Variants in LDLRAD3 observed in about 807,000 individuals in gnomAD.
LDLRAD3 encodes low-density lipoprotein receptor class A domain-containing protein 3.
LDLRAD3 carries 20 observed loss-of-function variants against 29.4 expected under a neutral mutation model. The observed-to-expected ratio is 0.68, with a 90% CI of 0.48 to 0.99. The LOEUF (loss-of-function observed/expected upper bound fraction) is 0.99, where lower values mean the gene tolerates loss of function less well. Ranked by LOEUF, LDLRAD3 falls within the 50% of genes least tolerant of loss-of-function variation. The pLI is 0.00. For synonymous variants in LDLRAD3, 157 were observed against 192.7 expected, an observed-to-expected ratio of 0.81 and a Z score of 1.53; for missense variants, 420 against 454.3, an observed-to-expected ratio of 0.92 and a Z score of 0.69.
chr11:36,031,071 A>G (rs534624731), intron 1 of LDLRAD3, among the ~76,000 whole-genome samples: 2 of 149,960 alleles, frequency 1.3e-5, no homozygotes, highest in African/African-American at 4.9e-5. Flanking sequence ...ATAGAATGGG[A>G]CTTGTAATTT....
chr11:36,219,271 G>A (rs1855395831), intron 4 of LDLRAD3, among the ~76,000 whole-genome samples: 2 of 151,960 alleles, frequency 1.3e-5, no homozygotes, highest in Admixed American at 1.3e-4. Flanking sequence ...GGAGAGGAGG[G>A]GACATTTTGT....
In LDLRAD3 at chr11:36,213,985, G is replaced by T. The variant is rs1855318528; in HGVS notation, c.455-13100G>T. On this transcript the variant is annotated intron_variant, in intron 4 of 5. Transcript: ENST00000315571. The surrounding 1 kb of genome is among the most constrained non-coding windows in gnomAD (Gnocchi z 4.1). ...GCTCAAATTTAAAACAGTCTTCAGT[G>T]TTCATCTAAACTTTGTGGCAGGTAC... is the stretch of plus-strand genomic sequence containing the variant. Among the ~76,000 whole-genome samples the T allele has an allele frequency of 6.6e-6, 1 of 152,186 alleles. No homozygotes were observed. The highest frequency in any genetic ancestry group is 6.5e-5 in the Admixed American group (1 of 15,288).
intron 3 of LDLRAD3, among the ~76,000 whole-genome samples, chr11:36,095,301 A>T (rs1039882118): frequency 3.0e-4 from 45 of 152,210 alleles, no homozygotes; most frequent in Non-Finnish European, 1.2e-4. Flanking sequence ...AGGTGGACGT[A>T]CCAATTTGCA....
chr11:36,047,277 A>C (rs1852464476), intron 2 of LDLRAD3, among the ~76,000 whole-genome samples: 1 of 152,248 alleles, frequency 6.6e-6, no homozygotes, highest in Non-Finnish European at 1.5e-5. Flanking sequence ...TTGAGAAATC[A>C]GATATTAGGT....
At position 36,098,373 on chromosome 11, in the gene LDLRAD3, C is replaced by T. The variant is rs143972981; in HGVS notation, c.366C>T (p.Asn122=). ...CCACCGCCCGCTACCACTGCAAGAA[C>T]GGCCTCTGTATTGACAAGAGCTTCA... ...LCSTARYHCK[N]GLCIDKSFIC... Residue 122 remains asparagine (N), a synonymous_variant, in exon 4 of 6, where the codon AAC becomes AAT. Coordinates refer to ENST00000315571, the MANE Select transcript of LDLRAD3 (RefSeq NM_174902.4). 50 of 1,614,098 alleles carry T rather than the reference C, an allele frequency of 3.1e-5. No individual in the cohort carries two copies. Among genetic ancestry groups the T allele is most frequent in the East Asian group, 2.7e-4 (12 of 44,896 alleles).
Position 36,205,206 on chromosome 11 carries a change from G to T in LDLRAD3, c.455-21879G>T, listed in dbSNP as rs186532684. 3.9e-5 allele frequency among the ~76,000 whole-genome samples: 6 copies of T among 152,296 alleles called. No individual in the cohort carries two copies. In the East Asian group the frequency reaches 7.7e-4, roughly 20 times the overall value. On this transcript the variant is annotated intron_variant, in intron 4 of 5. Transcript: ENST00000315571. ...GCAACAAAGCCATTCTGTGTTCTCC[G>T]TGGGGCCGGGGGATTCCTGCCTTTA...
chr11:36,195,979 G>A (rs1457535270), intron 4 of LDLRAD3, among the ~76,000 whole-genome samples: 1 of 150,306 alleles, frequency 6.7e-6, no homozygotes, highest in African/African-American at 2.5e-5. Flanking sequence ...GACATACTAA[G>A]CCACAGTCAG....
At chr11:35,966,352 G>A (rs933973621) in intron 1 of LDLRAD3, among the ~76,000 whole-genome samples, 14 of 152,218 alleles carry the variant, frequency 9.2e-5, no homozygotes, top group Non-Finnish European at 1.5e-5. Context: ...TTGAACCCGG[G>A]AGGCGGAGGT....
At chr11:35,978,006 A>G (rs1468203005) in intron 1 of LDLRAD3, among the ~76,000 whole-genome samples, 7 of 152,156 alleles carry the variant, frequency 4.6e-5, no homozygotes, top group Admixed American at 3.9e-4. Context: ...CTGAGCCCCT[A>G]CATCAGTGGT....
At chr11:36,192,687 A>G (rs532172853) in intron 4 of LDLRAD3, among the ~76,000 whole-genome samples, 14 of 152,342 alleles carry the variant, frequency 9.2e-5, no homozygotes, top group Admixed American at 7.2e-4. Flanking sequence ...GGTCCAGGGC[A>G]TGAATTGTGA....
intron 1 of LDLRAD3, among the ~76,000 whole-genome samples, chr11:35,951,755 C>T (rs1257079303): frequency 6.6e-6 from 1 of 152,162 alleles, no homozygotes; most frequent in African/African-American, 2.4e-5. Flanking sequence ...TTTTGAAGGA[C>T]ATTCTAAATA....
intron 4 of LDLRAD3, among the ~76,000 whole-genome samples, chr11:36,202,938 G>C (rs1855148905): frequency 6.6e-6 from 1 of 152,120 alleles, no homozygotes; most frequent in South Asian, 2.1e-4. Context: ...TTAATTATGT[G>C]TTTTTATTTG....
At chr11:36,199,147 A>G (rs1404042924) in intron 4 of LDLRAD3, among the ~76,000 whole-genome samples, 6 of 151,914 alleles carry the variant, frequency 3.9e-5, no homozygotes, top group Admixed American at 2.0e-4. Flanking sequence ...TGATCCGCCC[A>G]CCTTGGCCTA....
intron 1 of LDLRAD3, among the ~76,000 whole-genome samples, chr11:35,948,066 T>G (rs1306701213): frequency 6.6e-6 from 1 of 152,140 alleles, no homozygotes; most frequent in African/African-American, 2.4e-5. Flanking sequence ...TGACAAACAC[T>G]AGGCGGGGAG....
At chr11:36,184,112 T>A in intron 4 of LDLRAD3, 1 of 222,570 alleles carries the variant, frequency 4.5e-6, no homozygotes. Context: ...ATTACAGGCA[T>A]GCGCTACCAC....
At chr11:36,012,371 A>G (rs982958009) in intron 1 of LDLRAD3, among the ~76,000 whole-genome samples, 1 of 152,198 alleles carries the variant, frequency 6.6e-6, no homozygotes, top group African/African-American at 2.4e-5. Context: ...CTCACTGTAC[A>G]TCTTAGCAAC....
intron 4 of LDLRAD3, among the ~76,000 whole-genome samples, chr11:36,142,585 C>T (rs1278873565): frequency 6.6e-6 from 1 of 152,050 alleles, no homozygotes; most frequent in African/African-American, 2.4e-5. Context: ...GTCTGGTTCC[C>T]GCCCCCGCCT....
At chr11:35,979,128 A>C (rs11033353) in intron 1 of LDLRAD3, among the ~76,000 whole-genome samples, 54,654 of 152,020 alleles carry the variant, frequency 0.36, 10,202 homozygotes, top group East Asian at 0.56. Flanking sequence ...AGACAAGAAG[A>C]AGCAGACCCA....
chr11:36,084,400 C>G (rs1590254271), intron 3 of LDLRAD3, among the ~76,000 whole-genome samples: 1 of 152,268 alleles, frequency 6.6e-6, no homozygotes, highest in South Asian at 2.1e-4. Flanking sequence ...GGGAGGATTA[C>G]TTAACCCCAG....
Sources: gnomAD v4.1 joint callset for allele counts (sites outside exome capture counted in the v4.1 genomes callset) on GRCh38, gnomAD v4.1.1 for gene constraint, Gnocchi (gnomAD v3.1) non-coding constraint, MANE v1.5 for transcripts, NCBI Gene and HGNC (gene_info 2026-07-23, HGNC 2026-07-21) for gene names.